UNC13C: variants seen among roughly 807,000 people sequenced by gnomAD.
UNC13C encodes the protein unc-13 homolog C.
In UNC13C, 174 loss-of-function variants were observed where a neutral mutation model predicts 245.4. That is an observed-to-expected ratio of 0.71 (90% CI 0.63 to 0.80). The LOEUF (loss-of-function observed/expected upper bound fraction) is 0.80. Ranked by LOEUF, UNC13C falls within the 30% of genes least tolerant of loss-of-function variation. The pLI is 0.00. For missense variants in UNC13C, 2,829 were observed against 2,602.9 expected (o/e 1.09, Z -1.89); for synonymous variants, 992 against 895.1 (o/e 1.11, Z -1.93).
At chr15:54,522,789 A>C (rs144316602) in intron 24 of UNC13C, among the ~76,000 whole-genome samples, 197 of 152,322 alleles carry the variant, frequency 1.3e-3, no homozygotes, top group Admixed American at 4.6e-3. Context: ...CATTACATAG[A>C]AACTTTATTT....
chr15:53,926,412 G>A, the UNC13C span, among the ~76,000 whole-genome samples: 3 of 152,032 alleles, frequency 2.0e-5, no homozygotes, highest in South Asian at 4.1e-4. Context: ...ATCAAAAAAG[G>A]GATATCATAT....
chr15:54,239,658 C>G (rs919388064), intron 7 of UNC13C, among the ~76,000 whole-genome samples: 2 of 152,110 alleles, frequency 1.3e-5, no homozygotes, highest in African/African-American at 4.8e-5. Context: ...CACTCTGTTG[C>G]CCAGGCTGGT....
intron 2 of UNC13C, among the ~76,000 whole-genome samples, chr15:54,075,450 G>C (rs1050118222): frequency 2.3e-5 from 3 of 131,214 alleles, no homozygotes; most frequent in African/African-American, 5.3e-5. Flanking sequence ...GCAGTGAGCC[G>C]GAGCTTGCAG....
intron 10 of UNC13C, among the ~76,000 whole-genome samples, chr15:54,286,490 G>GT (rs1347113750): frequency 1.2e-4 from 19 of 152,084 alleles, no homozygotes; most frequent in Admixed American, 1.2e-3. Context: ...GCAGGAATTT[G>GT]TTTTTTTCCA....
At chr15:53,945,944 C>T in the UNC13C span, among the ~76,000 whole-genome samples, 56 of 152,168 alleles carry the variant, frequency 3.7e-4, 1 homozygote, top group Non-Finnish European at 3.8e-4. Flanking sequence ...TTGTATCTCT[C>T]ATTGTAGAGA....
intron 2 of UNC13C, among the ~76,000 whole-genome samples, chr15:54,068,366 C>T (rs991182619): frequency 6.6e-6 from 1 of 152,170 alleles, no homozygotes; most frequent in Non-Finnish European, 1.5e-5. Flanking sequence ...CTTCTCCTGA[C>T]TCCCAGGCCA....
At chr15:53,918,961 G>T in the UNC13C span, among the ~76,000 whole-genome samples, 1 of 152,148 alleles carries the variant, frequency 6.6e-6, no homozygotes, top group Non-Finnish European at 1.5e-5. Context: ...AGTGAATGTG[G>T]GATTTCTTTC....
rs923480537 is a variant in UNC13C, at chr15:54,012,753, C to T, written c.-151C>T. The T allele has an allele frequency of 1.0e-4, 64 of 641,442 alleles. No homozygotes were observed. The highest frequency in any genetic ancestry group is 9.0e-4 in the East Asian group (33 of 36,604). The allele number at this position is 641,442 out of a possible 1,614,324, so 39.7% of individuals were successfully genotyped here. A position where few individuals can be genotyped will look rare whatever the true frequency, so the allele number is the denominator to read the frequency against. On this transcript the variant is annotated 5_prime_UTR_variant, in exon 2 of 33. The change creates a premature stop within an existing upstream ORF in the 5' untranslated region. Coordinates refer to ENST00000260323, the MANE Select transcript of UNC13C (RefSeq NM_001080534.3). Reference sequence around the variant, plus strand: ...TTTGCTTCTGGTTTGCACAGGACAGCGACAATGTGGCAGAGCCATGCCTGC... The same window carrying T: ...TTTGCTTCTGGTTTGCACAGGACAGTGACAATGTGGCAGAGCCATGCCTGC...
At chr15:54,328,601 T>G (rs1355343531) in intron 14 of UNC13C, among the ~76,000 whole-genome samples, 1 of 151,950 alleles carries the variant, frequency 6.6e-6, no homozygotes, top group Non-Finnish European at 1.5e-5. Flanking sequence ...AAGAAAATAA[T>G]GAGAGATGCT....
At chr15:54,155,398 C>T (rs140295749) in intron 4 of UNC13C, among the ~76,000 whole-genome samples, 5 of 152,242 alleles carry the variant, frequency 3.3e-5, no homozygotes, top group South Asian at 2.1e-4. Flanking sequence ...TGTGAAAACA[C>T]GTCATAAGTC....
At chr15:54,622,021 G>A (rs1900827463) in intron 30 of UNC13C, among the ~76,000 whole-genome samples, 1 of 152,110 alleles carries the variant, frequency 6.6e-6, no homozygotes, top group Non-Finnish European at 1.5e-5. Flanking sequence ...TGCAAGAAAT[G>A]AATATAACTT....
At chr15:53,934,775 T>C in the UNC13C span, among the ~76,000 whole-genome samples, 1 of 152,130 alleles carries the variant, frequency 6.6e-6, no homozygotes, top group African/African-American at 2.4e-5. Flanking sequence ...TGTTCCTTGA[T>C]TCACAGAGAT....
downstream of UNC13C, chr15:54,630,378 A>T (rs1901432640): frequency 6.6e-6 from 1 of 151,966 alleles, no homozygotes; most frequent in African/African-American, 2.4e-5. Flanking sequence ...AATGTCTTTT[A>T]TTTGGTCTTT....
chr15:54,438,573 A>G (rs1319817505), intron 19 of UNC13C, among the ~76,000 whole-genome samples: 6 of 151,992 alleles, frequency 3.9e-5, no homozygotes, highest in Non-Finnish European at 8.8e-5. Flanking sequence ...CAAGCAGAGC[A>G]TACCTTAATG....
intron 29 of UNC13C, among the ~76,000 whole-genome samples, chr15:54,557,586 C>A (rs1052469799): frequency 6.6e-6 from 1 of 151,466 alleles, no homozygotes; most frequent in African/African-American, 2.4e-5. Flanking sequence ...CGGAGCCCAG[C>A]CAAAGGAGCA....
chr15:54,405,735 G>C (rs990554380), intron 18 of UNC13C, among the ~76,000 whole-genome samples: 1 of 151,884 alleles, frequency 6.6e-6, no homozygotes, highest in African/African-American at 2.4e-5. Context: ...TTCCAGTACC[G>C]GCTTTCCTCT....
chr15:54,577,734 C>T (rs189203017), intron 30 of UNC13C, among the ~76,000 whole-genome samples: 163 of 152,266 alleles, frequency 1.1e-3, no homozygotes, highest in African/African-American at 3.8e-3. Context: ...TTTCCCTTGT[C>T]ATTTCCCTAG....
At chr15:54,566,586 A>G (rs1897525822) in intron 29 of UNC13C, among the ~76,000 whole-genome samples, 1 of 151,152 alleles carries the variant, frequency 6.6e-6, no homozygotes, top group Admixed American at 6.6e-5. Flanking sequence ...GGTATCTATA[A>G]TTGTACCAGT....
chr15:54,088,072 A>C (rs1443343067), intron 2 of UNC13C, among the ~76,000 whole-genome samples: 6 of 151,880 alleles, frequency 4.0e-5, no homozygotes, highest in Non-Finnish European at 5.9e-5. Flanking sequence ...ATATATATAT[A>C]TCTTGATTTT....
Sources: allele counts gnomAD v4.1 joint callset (sites outside exome capture counted in the v4.1 genomes callset), GRCh38; gene constraint gnomAD v4.1.1; transcripts MANE v1.5; gene names NCBI Gene and HGNC (gene_info 2026-07-23, HGNC 2026-07-21).